Variants in AKR1C2 observed in about 807,000 individuals in gnomAD.
The protein encoded by AKR1C2 is aldo-keto reductase family 1 member C2.
Under a neutral mutation model 39.8 loss-of-function variants are expected in AKR1C2, and 27 were observed. The observed-to-expected ratio is 0.68, with a 90% CI of 0.50 to 0.93. The LOEUF (loss-of-function observed/expected upper bound fraction) is 0.93, where lower values mean the gene tolerates loss of function less well. Ranked by LOEUF, AKR1C2 falls within the 40% of genes least tolerant of loss-of-function variation. The probability of loss-of-function intolerance (pLI) is 0.00; values close to 1 mark genes in which losing one functional copy is unlikely to be tolerated. For missense variants in AKR1C2, 263 were observed against 365.1 expected (o/e 0.72, Z 2.28); for synonymous variants, 114 against 137.9 (o/e 0.83, Z 1.22).
chr10:5,014,090 A>C (rs1554775152), intron 1 of AKR1C2, among the ~76,000 whole-genome samples: 1 of 152,250 alleles, frequency 6.6e-6, no homozygotes, highest in Non-Finnish European at 1.5e-5. Context: ...AACTCTGTTT[A>C]TCCTTTCATT....
At chr10:5,004,266 T>TCA (rs1588307400), upstream of AKR1C2, among the ~76,000 whole-genome samples, 2 of 152,198 alleles carry the variant, frequency 1.3e-5, no homozygotes, top group African/African-American at 4.8e-5. Flanking sequence ...TTTCTCTCTC[T>TCA]CACACACACA....
chr10:4,998,795 G>C (rs201466150), intron 4 of AKR1C2, 48 bp from the exon 5 acceptor site: 25 of 1,609,672 alleles, frequency 1.6e-5, no homozygotes, highest in Non-Finnish European at 2.0e-5. Flanking sequence ...CGACTGAAGA[G>C]CAAGATAAAT....
intron 8 of AKR1C2, among the ~76,000 whole-genome samples, chr10:4,990,501 T>C (rs1252891695): frequency 3.3e-5 from 5 of 152,222 alleles, no homozygotes; most frequent in African/African-American, 1.2e-4. Context: ...TTACTTTACA[T>C]ATTACTTACT....
Position 4,989,883 on chromosome 10 carries a change from A to C in AKR1C2, c.*113T>G. 4.8e-6 allele frequency: 7 copies of C among 1,449,230 alleles called. No homozygotes were observed. The highest frequency in any genetic ancestry group is 6.6e-6 in the Non-Finnish European group (7 of 1,059,782). The allele number at this position is 1,449,230 out of a possible 1,614,324, so 89.8% of individuals were successfully genotyped here. On this transcript the variant is annotated 3_prime_UTR_variant, in exon 9 of 9. Transcript: ENST00000380753. Reference sequence around the variant, plus strand: ...TAGCTGTAGCTTACTGAAGTCGCCAAGCAGGAGAGATTTAACCAGAGGCGA... The same window carrying C: ...TAGCTGTAGCTTACTGAAGTCGCCACGCAGGAGAGATTTAACCAGAGGCGA...
chr10:4,991,531 G>A (rs1422240145), intron 8 of AKR1C2, among the ~76,000 whole-genome samples: 1 of 152,214 alleles, frequency 6.6e-6, no homozygotes. Flanking sequence ...ACACTAGACA[G>A]TAATACAAAC....
Position 4,998,689 on chromosome 10 carries a change from T to A in AKR1C2, c.506A>T (p.Asn169Ile). ...LAKSIGVSNF[N>I]HRLLEMILNK... ...GAGGATCATCTCCAGCAGCCTGTGG[T>A]TGAAGTTGGACACCCCGATGGACTT... Residue 169 changes from asparagine to isoleucine, a missense_variant, in exon 5 of 9, where the codon AAC becomes ATC. By Grantham distance (149) the Asn-to-Ile change is moderately radical (BLOSUM62 -3). This residue lies in a region of AKR1C2 where 247 missense variants were observed against 267.9 expected (regional missense o/e 0.92). Coordinates refer to ENST00000380753, the MANE Select transcript of AKR1C2 (RefSeq NM_001393392.1). 6.2e-7 allele frequency: 1 copy of A among 1,614,206 alleles called. No individual in the cohort carries two copies. Among genetic ancestry groups the A allele is most frequent in the African/African-American group, 1.3e-5 (1 of 75,052 alleles).
intron 5 of AKR1C2, 121 bp downstream of exon 5, chr10:4,998,504 C>A (rs1554773402): frequency 6.5e-7 from 1 of 1,527,922 alleles, no homozygotes; most frequent in Non-Finnish European, 8.8e-7. Flanking sequence ...TAGGAAGAGG[C>A]TTTGTTCTCT....
chr10:5,014,191 A>ATT (rs1361574262), intron 1 of AKR1C2, among the ~76,000 whole-genome samples: 1 of 38,108 alleles, frequency 2.6e-5, no homozygotes. Flanking sequence ...TTGCTTCAAA[A>ATT]ACATGTTTTA....
Position 4,987,913 on chromosome 10 carries a change from T to G in AKR1C2, c.*2083A>C, listed in dbSNP as rs1836716535. On this transcript the variant is annotated 3_prime_UTR_variant, in exon 9 of 9. Transcript: ENST00000380753. ...TTCAGCATTTCTTTGAGAGAAAAAA[T>G]AGGAAAATTAGTGATTGGAGGTCCC... The G allele has an allele frequency of 1.3e-5, 2 of 148,202 alleles. No homozygotes were observed. The highest frequency in any genetic ancestry group is 3.0e-5 in the Non-Finnish European group (2 of 67,166). 9.2% of individuals were successfully genotyped at this position (148,202 alleles called of 1,614,324 possible). A position where few individuals can be genotyped will look rare whatever the true frequency, so the allele number is the denominator to read the frequency against.
At chr10:5,001,963 C>T (rs533369195) in intron 1 of AKR1C2, among the ~76,000 whole-genome samples, 19 of 152,298 alleles carry the variant, frequency 1.2e-4, no homozygotes, top group Non-Finnish European at 2.1e-4. Context: ...GAAAAATCAA[C>T]AGGACGCAAC....
chr10:5,003,340 A>T (rs1554774054), intron 1 of AKR1C2, among the ~76,000 whole-genome samples: 2 of 151,428 alleles, frequency 1.3e-5, no homozygotes, highest in Non-Finnish European at 2.9e-5. Flanking sequence ...GCCCATCAGA[A>T]CAGTGATACT....
chr10:5,012,307 A>G (rs1261121358), intron 1 of AKR1C2, among the ~76,000 whole-genome samples: 1 of 151,980 alleles, frequency 6.6e-6, no homozygotes, highest in East Asian at 1.9e-4. Flanking sequence ...TGCCCTGCCA[A>G]TAACTCATGC....
chr10:4,994,526 T>C (rs1836962800), intron 7 of AKR1C2, among the ~76,000 whole-genome samples: 1 of 152,160 alleles, frequency 6.6e-6, no homozygotes, highest in South Asian at 2.1e-4. Flanking sequence ...AGCCTAGACC[T>C]AAAAAGGCTT....
chr10:4,998,208 C>G (rs1247586634), intron 5 of AKR1C2, among the ~76,000 whole-genome samples: 2 of 150,634 alleles, frequency 1.3e-5, no homozygotes, highest in Non-Finnish European at 3.0e-5. Context: ...CCTAGTATTT[C>G]TCTTCTCTTG....
chr10:5,006,289 C>G (rs1320916600), upstream of AKR1C2, among the ~76,000 whole-genome samples: 2 of 152,162 alleles, frequency 1.3e-5, no homozygotes, highest in African/African-American at 4.8e-5. Flanking sequence ...CAAAGAGACT[C>G]AGACCTATAT....
At chr10:5,005,995 G>A (rs1837395482), upstream of AKR1C2, 1 of 152,152 alleles carries the variant, frequency 6.6e-6, no homozygotes, top group Non-Finnish European at 1.5e-5. Context: ...TAGCAAATTT[G>A]AGCAGGATGA....
chr10:4,996,323 C>G (rs145300678), intron 5 of AKR1C2, among the ~76,000 whole-genome samples: 43,224 of 151,090 alleles, frequency 0.29, 6,914 homozygotes, highest in East Asian at 0.63. Context: ...TATATGCCAT[C>G]TATGATATAT....
At chr10:5,013,290 A>G (rs544640782) in intron 1 of AKR1C2, 16 of 152,356 alleles carry the variant, frequency 1.1e-4, no homozygotes, top group Admixed American at 9.8e-4. Context: ...TATTTATGAA[A>G]CGATTCTGAT....
intron 3 of AKR1C2, chr10:5,000,323 C>G (rs1837218251): frequency 2.0e-6 from 3 of 1,513,170 alleles, no homozygotes; most frequent in Non-Finnish European, 2.6e-6. Context: ...GAGGCAGAGG[C>G]TTTGAGGATT....
Sources: allele counts gnomAD v4.1 joint callset (sites outside exome capture counted in the v4.1 genomes callset), GRCh38; gene constraint gnomAD v4.1.1; regional missense constraint gnomAD v4.1.1; transcripts MANE v1.5; gene names NCBI Gene and HGNC (gene_info 2026-07-23, HGNC 2026-07-21).